ZYG11B: variants seen among roughly 807,000 people sequenced by gnomAD.
ZYG11B encodes protein zyg-11 homolog B.
In ZYG11B, 36 loss-of-function variants were observed where a neutral mutation model predicts 82.4. The ratio of observed to expected loss-of-function variants is 0.44; its 90% CI spans 0.33 to 0.58. The LOEUF is 0.58. ZYG11B is among the 20% of genes least tolerant of loss of function. The pLI is 0.02. For missense variants in ZYG11B, 552 were observed against 895.6 expected (o/e 0.62, Z 4.90); for synonymous variants, 303 against 312.8 (o/e 0.97, Z 0.33).
chr1:52,748,282 T>C (rs1644492718), intron 1 of ZYG11B, among the ~76,000 whole-genome samples: 1 of 152,216 alleles, frequency 6.6e-6, no homozygotes, highest in South Asian at 2.1e-4. Flanking sequence ...TTGTAAAAGA[T>C]AGCTGTTGTG....
intron 3 of ZYG11B, among the ~76,000 whole-genome samples, chr1:52,774,307 ATTT>A (rs372279550): frequency 3.9e-5 from 5 of 127,540 alleles, no homozygotes; most frequent in African/African-American, 3.0e-5. Context: ...TAACTGGCTA[ATTT>A]TTTTTTTTTT....
At chr1:52,738,581 A>G (rs1038463480) in intron 1 of ZYG11B, among the ~76,000 whole-genome samples, 26 of 149,826 alleles carry the variant, frequency 1.7e-4, no homozygotes, top group African/African-American at 4.9e-5. Context: ...TGCCTATTCA[A>G]TGTCATATTT....
At chr1:52,817,805 A>G (rs1558145323) in intron 13 of ZYG11B, among the ~76,000 whole-genome samples, 4 of 40,426 alleles carry the variant, frequency 9.9e-5, no homozygotes, top group East Asian at 5.2e-4. Flanking sequence ...ATATATATAT[A>G]TATATATATA....
At position 52,806,929 on chromosome 1, in the gene ZYG11B, TG is replaced by T. The variant is rs778597777; in HGVS notation, c.1695+4791del. 6.7e-4 allele frequency among the ~76,000 whole-genome samples: 101 copies of T among 151,806 alleles called. 1 individual carries two copies. Among genetic ancestry groups the T allele is most frequent in the Non-Finnish European group, 1.3e-3 (89 of 67,944 alleles). On this transcript the variant is annotated intron_variant, in intron 10 of 13. Transcript: ENST00000294353. ...TGTTGCCCAGGCTAGAGTGCAGTGG[TG>T]TGATCTCAGCTCGCTGCAACCTCCA...
In ZYG11B at chr1:52,822,259, G is replaced by T. The variant is rs1244247324; in HGVS notation, c.*630G>T. The T allele has an allele frequency of 6.6e-6, 1 of 152,180 alleles. No individual in the cohort carries two copies. The highest frequency in any genetic ancestry group is 1.5e-5 in the Non-Finnish European group (1 of 68,050). The allele number at this position is 152,180 out of a possible 1,614,324, so 9.4% of individuals were successfully genotyped here. A position where few individuals can be genotyped will look rare whatever the true frequency, so the allele number is the denominator to read the frequency against. ...ATGGTATAGGTTTTAAAATGAGACA[G>T]GCTACCCTTCGGGAGTCCACCTCTC... On this transcript the variant is annotated 3_prime_UTR_variant, in exon 14 of 14. Transcript: ENST00000294353.
chr1:52,733,259 A>G (rs1571737157), intron 1 of ZYG11B, among the ~76,000 whole-genome samples: 1 of 152,296 alleles, frequency 6.6e-6, no homozygotes, highest in East Asian at 1.9e-4. Context: ...CCTGATTTCA[A>G]AATAATAGTA....
chr1:52,732,747 G>C (rs1644343537), intron 1 of ZYG11B, among the ~76,000 whole-genome samples: 1 of 150,970 alleles, frequency 6.6e-6, no homozygotes, highest in African/African-American at 2.4e-5. Flanking sequence ...CCTGGCGACA[G>C]AGCAAGACTC....
intron 2 of ZYG11B, among the ~76,000 whole-genome samples, chr1:52,770,589 C>T (rs1164039851): frequency 1.3e-5 from 2 of 152,106 alleles, no homozygotes; most frequent in African/African-American, 4.8e-5. Context: ...TAACTATACT[C>T]TCTAGAACGT....
chr1:52,796,979 T>C (rs1252793029), intron 8 of ZYG11B, among the ~76,000 whole-genome samples, 195 bp downstream of exon 8: 1 of 67,406 alleles, frequency 1.5e-5, no homozygotes, highest in East Asian at 6.0e-4. Flanking sequence ...TATATATAAA[T>C]ATATATATTT....
chr1:52,782,919 C>T (rs1297316641), intron 4 of ZYG11B, among the ~76,000 whole-genome samples: 1 of 144,926 alleles, frequency 6.9e-6, no homozygotes. Context: ...CTGCACCTAG[C>T]CTAGGCAATT....
At chr1:52,793,903 T>TTCCTTCCTTCCTTCCTTC (rs1438686036) in intron 6 of ZYG11B, among the ~76,000 whole-genome samples, 7 of 92,056 alleles carry the variant, frequency 7.6e-5, no homozygotes, top group African/African-American at 3.9e-4. Flanking sequence ...TTCCTTCCTT[T>TTCCTTCCTTCCTTCCTTC]CTTTCCTTTC....
intron 1 of ZYG11B, among the ~76,000 whole-genome samples, chr1:52,740,287 G>A (rs17374551): frequency 0.014 from 2,126 of 152,280 alleles, 23 homozygotes; most frequent in Admixed American, 0.026. Context: ...GGGCATTTAT[G>A]TAGCTTTCCA....
intron 2 of ZYG11B, 134 bp downstream of exon 2, chr1:52,756,757 A>C: frequency 1.4e-6 from 1 of 721,726 alleles, no homozygotes; most frequent in Non-Finnish European, 2.1e-6. Context: ...CAGGACTATG[A>C]ATTCATTTAT....
At chr1:52,741,273 G>A (rs1457311015) in intron 1 of ZYG11B, among the ~76,000 whole-genome samples, 1 of 115,536 alleles carries the variant, frequency 8.7e-6, no homozygotes, top group Non-Finnish European at 1.7e-5. Flanking sequence ...ACTCCAGCCT[G>A]GGGCAAAAGA....
intron 3 of ZYG11B, among the ~76,000 whole-genome samples, chr1:52,772,835 G>A (rs1387450316): frequency 6.6e-6 from 1 of 151,938 alleles, no homozygotes; most frequent in African/African-American, 2.4e-5. Flanking sequence ...CCGCCACCAC[G>A]CCTGGCTAAT....
chr1:52,765,897 G>T (rs1005048885), intron 2 of ZYG11B, among the ~76,000 whole-genome samples: 7 of 151,868 alleles, frequency 4.6e-5, no homozygotes, highest in Non-Finnish European at 1.0e-4. Context: ...TTTGGTTTTG[G>T]TTTTTTTCCC....
intron 1 of ZYG11B, among the ~76,000 whole-genome samples, chr1:52,754,128 C>T (rs1558122058): frequency 2.0e-5 from 3 of 151,384 alleles, no homozygotes; most frequent in Admixed American, 6.6e-5. Flanking sequence ...TGGGTTCAAG[C>T]GATTCTCCTG....
chr1:52,770,088 A>ATTTTTTTT (rs1479332225), intron 2 of ZYG11B, among the ~76,000 whole-genome samples: 1 of 76,932 alleles, frequency 1.3e-5, no homozygotes, highest in Non-Finnish European at 3.0e-5. Context: ...ATATATATAT[A>ATTTTTTTT]TATATTTTTT....
rs1558122649 is a variant in ZYG11B, at chr1:52,755,637, G to T, written c.31-821G>T. Among the ~76,000 whole-genome samples, 7 of 151,976 alleles carry T rather than the reference G, an allele frequency of 4.6e-5. No homozygotes were observed. In the South Asian group the frequency reaches 1.2e-3, roughly 27 times the overall value. ...CTGCCTCAGCCTCCCAAGTAGCTGG[G>T]ATTACAGGCATGTGCCGCCACACCT... On this transcript the variant is annotated intron_variant, in intron 1 of 13. Coordinates refer to ENST00000294353, the MANE Select transcript of ZYG11B (RefSeq NM_024646.3).
Sources: allele counts gnomAD v4.1 joint callset (sites outside exome capture counted in the v4.1 genomes callset), GRCh38; gene constraint gnomAD v4.1.1; transcripts MANE v1.5; gene names NCBI Gene and HGNC (gene_info 2026-07-23, HGNC 2026-07-21).